Variants in BBS9 observed in about 807,000 individuals in gnomAD.
BBS9 encodes protein PTHB1.
Under a neutral mutation model 117.7 loss-of-function variants are expected in BBS9, and 89 were observed. That is an observed-to-expected ratio of 0.76 (90% CI 0.64 to 0.90). The LOEUF (loss-of-function observed/expected upper bound fraction) is 0.90. Ranked by LOEUF, BBS9 falls within the 40% of genes least tolerant of loss-of-function variation. The pLI, the probability that BBS9 is intolerant of heterozygous loss-of-function variation, is 0.00. For synonymous variants in BBS9, 379 were observed against 370.9 expected, an observed-to-expected ratio of 1.02 and a Z score of -0.25; for missense variants, 982 against 1,042.2, an observed-to-expected ratio of 0.94 and a Z score of 0.80.
At chr7:33,382,170 T>A (rs1323151434) in intron 17 of BBS9, among the ~76,000 whole-genome samples, 1 of 152,012 alleles carries the variant, frequency 6.6e-6, no homozygotes, top group East Asian at 1.9e-4. Context: ...CAAAAAAGTG[T>A]ATAATTCCTG....
intron 19 of BBS9, among the ~76,000 whole-genome samples, chr7:33,447,977 T>C (rs1216109014): frequency 6.6e-6 from 1 of 152,206 alleles, no homozygotes; most frequent in Non-Finnish European, 1.5e-5. Flanking sequence ...AAAGTTTTAC[T>C]GATACCTAGT....
chr7:33,348,754 T>C (rs1192335954), intron 12 of BBS9, among the ~76,000 whole-genome samples: 1 of 152,202 alleles, frequency 6.6e-6, no homozygotes, highest in Non-Finnish European at 1.5e-5. Flanking sequence ...TATAGCCATT[T>C]TATTGGGTAC....
chr7:33,206,613 C>G (rs1786977181), intron 5 of BBS9, among the ~76,000 whole-genome samples: 1 of 152,052 alleles, frequency 6.6e-6, no homozygotes, highest in Non-Finnish European at 1.5e-5. Context: ...TTTCCCTGAA[C>G]AGTGTGAAAG....
intron 20 of BBS9, among the ~76,000 whole-genome samples, chr7:33,531,846 G>C (rs1850626665): frequency 6.6e-6 from 1 of 152,222 alleles, no homozygotes; most frequent in South Asian, 2.1e-4. Context: ...GCTATGCCTA[G>C]GCAGATGGTT....
intron 4 of BBS9, among the ~76,000 whole-genome samples, chr7:33,160,777 C>G (rs1033794816): frequency 2.6e-5 from 4 of 152,110 alleles, no homozygotes; most frequent in East Asian, 3.9e-4. Context: ...CAGTCTTTCT[C>G]TGGTATTCTC....
chr7:33,136,371 A>C (rs1790462412), intron 1 of BBS9, among the ~76,000 whole-genome samples: 2 of 152,122 alleles, frequency 1.3e-5, no homozygotes, highest in Non-Finnish European at 2.9e-5. Flanking sequence ...TAATTGCTAT[A>C]GTTGAGAGCA....
At chr7:33,615,656 C>T (rs1865093609) in intron 21 of BBS9, among the ~76,000 whole-genome samples, 1 of 151,890 alleles carries the variant, frequency 6.6e-6, no homozygotes. Flanking sequence ...ATATTTGAAG[C>T]AATAATGACT....
intron 9 of BBS9, among the ~76,000 whole-genome samples, chr7:33,290,241 C>A (rs116065890): frequency 0.016 from 2,415 of 152,168 alleles, 68 homozygotes; most frequent in African/African-American, 0.056. Flanking sequence ...TAAAGACCTC[C>A]ACTTTCCAAA....
intron 5 of BBS9, among the ~76,000 whole-genome samples, chr7:33,219,128 T>A (rs1025938464): frequency 7.2e-5 from 11 of 152,178 alleles, no homozygotes; most frequent in Non-Finnish European, 4.4e-5. Context: ...GGCCAGCAGC[T>A]GCGGAGGGTA....
At chr7:33,505,398 A>T in intron 19 of BBS9, 65 bp from the exon 20 acceptor site, 1 of 1,501,400 alleles carries the variant, frequency 6.7e-7, no homozygotes, top group Non-Finnish European at 9.3e-7. Context: ...AGTGTGCCAG[A>T]CATAATTTGT....
intron 21 of BBS9, among the ~76,000 whole-genome samples, chr7:33,535,801 A>G (rs1177798159): frequency 3.3e-5 from 5 of 151,968 alleles, no homozygotes; most frequent in South Asian, 4.2e-4. Context: ...TTTTACAAAA[A>G]AGAGAGAGAG....
chr7:33,389,687 TAAAAAAAA>T (rs5883400), intron 19 of BBS9, among the ~76,000 whole-genome samples: 20,426 of 91,744 alleles, frequency 0.22, 1,962 homozygotes, highest in South Asian at 0.31. Context: ...AGACTCCATC[TAAAAAAAA>T]AAAAAAAAAA....
chr7:33,407,724 C>A (rs572475846), intron 19 of BBS9, among the ~76,000 whole-genome samples: 1 of 152,314 alleles, frequency 6.6e-6, no homozygotes, highest in South Asian at 2.1e-4. Flanking sequence ...GCCTGGGTAT[C>A]AGCAGCGGTG....
At chr7:33,440,038 C>T (rs1835931605) in intron 19 of BBS9, among the ~76,000 whole-genome samples, 1 of 152,120 alleles carries the variant, frequency 6.6e-6, no homozygotes, top group Non-Finnish European at 1.5e-5. Flanking sequence ...GTAATGTTTC[C>T]TTGCAGTGTG....
chr7:33,551,368 A>G (rs971890985), intron 21 of BBS9, among the ~76,000 whole-genome samples: 1 of 152,158 alleles, frequency 6.6e-6, no homozygotes, highest in Admixed American at 6.6e-5. Flanking sequence ...ATATGTGACT[A>G]TGTACTGTGT....
chr7:33,132,049 C>T (rs923135212), intron 1 of BBS9, among the ~76,000 whole-genome samples: 2 of 152,214 alleles, frequency 1.3e-5, no homozygotes, highest in African/African-American at 4.8e-5. Flanking sequence ...TATAGGACTG[C>T]ACCTGTTACA....
chr7:33,606,383 T>A (rs1864568073), downstream of BBS9, among the ~76,000 whole-genome samples: 1 of 152,242 alleles, frequency 6.6e-6, no homozygotes, highest in Non-Finnish European at 1.5e-5. Context: ...GGATGCTGTC[T>A]TCTCAACGGC....
At chr7:33,130,782 A>G (rs994705289) in intron 1 of BBS9, among the ~76,000 whole-genome samples, 1 of 152,176 alleles carries the variant, frequency 6.6e-6, no homozygotes, top group African/African-American at 2.4e-5. Context: ...AGAATTTTAA[A>G]AAACTTTATT....
intron 19 of BBS9, among the ~76,000 whole-genome samples, chr7:33,501,233 C>A (rs1845399606): frequency 6.6e-6 from 1 of 152,130 alleles, no homozygotes; most frequent in Non-Finnish European, 1.5e-5. Flanking sequence ...TTTTTCCAGT[C>A]TTTTTACTAT....
Sources: gnomAD v4.1 joint callset for allele counts (sites outside exome capture counted in the v4.1 genomes callset) on GRCh38, gnomAD v4.1.1 for gene constraint, MANE v1.5 for transcripts, NCBI Gene and HGNC (gene_info 2026-07-23, HGNC 2026-07-21) for gene names.